The following TMTC4 variants were observed in gnomAD, a reference collection of about 807,000 sequenced individuals.
The protein encoded by TMTC4 is transmembrane O-mannosyltransferase targeting cadherins 4.
A neutral mutation model predicts 86.0 loss-of-function variants in TMTC4; 65 were observed. That is an observed-to-expected ratio of 0.76 (90% CI 0.62 to 0.93). The LOEUF (loss-of-function observed/expected upper bound fraction) is 0.93. Ranked by LOEUF, TMTC4 falls within the 40% of genes least tolerant of loss-of-function variation. The probability of loss-of-function intolerance (pLI) is 0.00; values close to 1 mark genes in which losing one functional copy is unlikely to be tolerated. For synonymous variants in TMTC4, 379 were observed against 382.5 expected (o/e 0.99, Z 0.11); for missense variants, 866 against 948.1 (o/e 0.91, Z 1.14).
intron 17 of TMTC4, among the ~76,000 whole-genome samples, chr13:100,606,778 T>C (rs1239101323): frequency 1.3e-5 from 2 of 152,168 alleles, no homozygotes; most frequent in Non-Finnish European, 2.9e-5. Flanking sequence ...CCGTGGAGCA[T>C]ACCCATGCCA....
intron 6 of TMTC4, among the ~76,000 whole-genome samples, 193 bp downstream of exon 6, chr13:100,656,188 G>A (rs939600478): frequency 6.6e-6 from 1 of 152,194 alleles, no homozygotes; most frequent in Non-Finnish European, 1.5e-5. Flanking sequence ...CAGTGTCAGA[G>A]CTTTGCATTA....
At chr13:100,665,168 T>C (rs1021065989) in intron 3 of TMTC4, among the ~76,000 whole-genome samples, 1 of 152,224 alleles carries the variant, frequency 6.6e-6, no homozygotes, top group Non-Finnish European at 1.5e-5. Context: ...ATACTACAGA[T>C]GTTTAAAAAT....
At chr13:100,672,298 C>T (rs1333498612) in intron 1 of TMTC4, among the ~76,000 whole-genome samples, 7 of 152,162 alleles carry the variant, frequency 4.6e-5, no homozygotes, top group South Asian at 2.1e-4. Context: ...TGGGCAGACC[C>T]GGGGCACATG....
intron 1 of TMTC4, among the ~76,000 whole-genome samples, chr13:100,671,117 C>T (rs1374223819): frequency 5.3e-5 from 8 of 152,044 alleles, no homozygotes; most frequent in East Asian, 1.9e-4. Flanking sequence ...GTCATGTAAC[C>T]GGTTTTGACG....
At chr13:100,610,333 G>A (rs538741857) in intron 17 of TMTC4, among the ~76,000 whole-genome samples, 1 of 152,320 alleles carries the variant, frequency 6.6e-6, no homozygotes, top group South Asian at 2.1e-4. Context: ...AGCAGTGCCA[G>A]GGATGCAGCT....
intron 10 of TMTC4, 86 bp downstream of exon 10, chr13:100,636,446 A>T: frequency 6.7e-7 from 1 of 1,501,612 alleles, no homozygotes; most frequent in Non-Finnish European, 9.2e-7. Flanking sequence ...GACTTCCACA[A>T]AATCATAAAA....
intron 3 of TMTC4, among the ~76,000 whole-genome samples, chr13:100,666,753 G>A (rs534162411): frequency 1.2e-4 from 18 of 152,346 alleles, no homozygotes; most frequent in African/African-American, 4.3e-4. Context: ...AGCACTTTGG[G>A]AGGCCAAGGT....
At chr13:100,630,849 A>T (rs997690937) in intron 12 of TMTC4, among the ~76,000 whole-genome samples, 2 of 152,244 alleles carry the variant, frequency 1.3e-5, no homozygotes, top group Non-Finnish European at 2.9e-5. Context: ...TCAAAGGAGA[A>T]GGACGTGGGA....
rs149939524 is a variant in TMTC4 at position 100,625,265 on chromosome 13, C to T, written c.1836+270G>A. The stretch of plus-strand genomic sequence containing the variant: ...TTGGAGTGCTGTTTTACAGGGCGGA[C>T]GGGACTTTAACATGTTAATTTATTC... On this transcript the variant is annotated intron_variant, in intron 15 of 18. Transcript: ENST00000342624. 1.4e-4 allele frequency: 63 copies of T among 446,610 alleles called. No homozygotes were observed. The East Asian group carries it at 2.5e-3, about 17-fold the overall frequency. 27.7% of individuals were successfully genotyped at this position (446,610 alleles called of 1,614,324 possible).
At chr13:100,649,128 G>C (rs1398267816) in intron 6 of TMTC4, among the ~76,000 whole-genome samples, 1 of 152,142 alleles carries the variant, frequency 6.6e-6, no homozygotes, top group Non-Finnish European at 1.5e-5. Flanking sequence ...TATATATGCA[G>C]TATATATGTG....
intron 5 of TMTC4, among the ~76,000 whole-genome samples, chr13:100,656,979 GGACTT>G (rs1221121932): frequency 2.0e-5 from 3 of 152,158 alleles, no homozygotes; most frequent in Non-Finnish European, 2.9e-5. Flanking sequence ...TTTGGGTGTA[GGACTT>G]GACTTAACTG....
chr13:100,650,830 C>G (rs547498830), intron 6 of TMTC4, among the ~76,000 whole-genome samples: 83 of 152,380 alleles, frequency 5.4e-4, no homozygotes, highest in Non-Finnish European at 1.1e-3. Context: ...AGTTAGCCAA[C>G]TGCCCTATTT....
chr13:100,619,196 G>T (rs1170403688), intron 15 of TMTC4, among the ~76,000 whole-genome samples: 1 of 152,174 alleles, frequency 6.6e-6, no homozygotes, highest in African/African-American at 2.4e-5. Flanking sequence ...CTCCTGGATG[G>T]GGCGGCCGGC....
chr13:100,626,180 C>T (rs765138735), intron 12 of TMTC4, 30 bp from the exon 13 acceptor site: 14 of 1,607,346 alleles, frequency 8.7e-6, no homozygotes, highest in Non-Finnish European at 1.1e-5. Flanking sequence ...GGGCCATCAG[C>T]AGACAGACTT....
upstream of TMTC4, chr13:100,674,880 A>C (rs1887671732): frequency 1.0e-6 from 1 of 967,046 alleles, no homozygotes; most frequent in African/African-American, 1.8e-5. Context: ...CGCCTCCCGC[A>C]GCTCCCCACG....
In TMTC4 at chr13:100,614,371, C is replaced by T. The variant is rs1362803867; in HGVS notation, c.1896G>A (p.Leu632=). The T allele has an allele frequency of 3.7e-6, 6 of 1,613,818 alleles. No homozygotes were observed. Among genetic ancestry groups the T allele is most frequent in the Non-Finnish European group, 5.1e-6 (6 of 1,179,964 alleles). The change falls in exon 16 of 19, where the codon CTG becomes CTA. Residue 632 remains leucine, a synonymous_variant. Coordinates refer to ENST00000342624, the MANE Select transcript of TMTC4 (RefSeq NM_032813.5). ...TCCAGGCCAGGCTGTGCTCTGGTTT[C>T]AGCACGGTGGCATTTCTCCACGCAT... The part of the protein sequence containing the change: ...ALNAWRNATV[L]KPEHSLAWNN...
intron 6 of TMTC4, among the ~76,000 whole-genome samples, chr13:100,646,987 G>C (rs576834537): frequency 9.5e-4 from 144 of 152,128 alleles, no homozygotes; most frequent in Non-Finnish European, 1.1e-3. Flanking sequence ...ATTCTTTTAG[G>C]CTATGGTTTG....
intron 17 of TMTC4, among the ~76,000 whole-genome samples, chr13:100,611,348 A>G (rs778688468): frequency 1.3e-5 from 2 of 152,072 alleles, no homozygotes; most frequent in African/African-American, 2.4e-5. Context: ...CACTTTGGGA[A>G]GCCGAGGAGG....
chr13:100,620,078 C>T (rs942247148), intron 15 of TMTC4, among the ~76,000 whole-genome samples: 5 of 152,174 alleles, frequency 3.3e-5, no homozygotes, highest in African/African-American at 1.2e-4. Flanking sequence ...TTCAGGGAAG[C>T]AGAAAAAGTG....
Sources: gnomAD v4.1 joint callset for allele counts (sites outside exome capture counted in the v4.1 genomes callset) on GRCh38, gnomAD v4.1.1 for gene constraint, MANE v1.5 for transcripts, NCBI Gene and HGNC (gene_info 2026-07-23, HGNC 2026-07-21) for gene names.